The following RELN variants were observed in gnomAD, a reference collection of about 807,000 sequenced individuals.
RELN encodes reelin.
Under a neutral mutation model 427.6 loss-of-function variants are expected in RELN, and 108 were observed. The ratio of observed to expected loss-of-function variants is 0.25; its 90% CI spans 0.22 to 0.30. RELN has a LOEUF of 0.30. Among genes scored for constraint, RELN ranks in the 10% least tolerant of loss-of-function variants. The probability of loss-of-function intolerance (pLI) is 1.00; values close to 1 mark genes in which losing one functional copy is unlikely to be tolerated. For synonymous variants in RELN, 1,524 were observed against 1,513.4 expected, an observed-to-expected ratio of 1.01 and a Z score of -0.16; for missense variants, 3,715 against 4,302.8, an observed-to-expected ratio of 0.86 and a Z score of 3.82.
intron 2 of RELN, among the ~76,000 whole-genome samples, chr7:103,839,204 A>T (rs17133113): frequency 0.13 from 20,192 of 151,968 alleles, 1,801 homozygotes; most frequent in East Asian, 0.35. Context: ...ACACAAAATA[A>T]CCTATCCTCT....
At chr7:103,975,395 T>C (rs182376291) in intron 1 of RELN, among the ~76,000 whole-genome samples, 17 of 152,204 alleles carry the variant, frequency 1.1e-4, no homozygotes, top group African/African-American at 4.1e-4. Context: ...TTTAAGGTAT[T>C]TATACTGATA....
rs546035659 is a variant in RELN at position 103,626,519 on chromosome 7, T to C, written c.2702+3421A>G. Among the ~76,000 whole-genome samples, 10 of 152,190 alleles carry C rather than the reference T, an allele frequency of 6.6e-5. No homozygotes were observed. In the East Asian group the frequency reaches 1.9e-3, roughly 29 times the overall value. The stretch of plus-strand genomic sequence containing the variant: ...GCATGTGTCACCACGCTCGGCTAGT[T>C]TGTGTATTTTCAGTAGAGATGGCGT... On this transcript the variant is annotated intron_variant, in intron 20 of 64. Transcript: ENST00000428762. This position sits in a 1 kb window ranked among gnomAD's most constrained non-coding sequence, Gnocchi z 4.4.
intron 60 of RELN, among the ~76,000 whole-genome samples, chr7:103,488,666 C>T (rs1389178792): frequency 6.6e-6 from 1 of 152,174 alleles, no homozygotes; most frequent in African/African-American, 2.4e-5. Flanking sequence ...TAACTCTGCT[C>T]CTCCTTGGAT....
At chr7:103,690,098 T>C (rs1010515734) in intron 10 of RELN, among the ~76,000 whole-genome samples, 2 of 152,156 alleles carry the variant, frequency 1.3e-5, no homozygotes, top group Non-Finnish European at 2.9e-5. Context: ...TGAAATGCTA[T>C]CAATACTTCT....
intron 2 of RELN, among the ~76,000 whole-genome samples, chr7:103,890,334 A>G (rs770315145): frequency 1.3e-5 from 2 of 152,036 alleles, no homozygotes; most frequent in African/African-American, 2.4e-5. Context: ...GGTGTCCCCA[A>G]CTGCAGGGCC....
At chr7:103,512,049 T>A (rs1829437023) in intron 50 of RELN, among the ~76,000 whole-genome samples, 1 of 152,264 alleles carries the variant, frequency 6.6e-6, no homozygotes, top group African/African-American at 2.4e-5. Context: ...TCTTAACATA[T>A]GTTCAGTGCA....
intron 2 of RELN, among the ~76,000 whole-genome samples, chr7:103,910,371 G>T (rs1700002144): frequency 6.7e-6 from 1 of 149,670 alleles, no homozygotes; most frequent in African/African-American, 2.5e-5. Flanking sequence ...GGGACAATTT[G>T]ATTTCCTCTT....
Position 103,947,136 on chromosome 7 carries a change from C to T in RELN, c.227-29951G>A, listed in dbSNP as rs116886538. Among the ~76,000 whole-genome samples the T allele has an allele frequency of 1.9e-3, 288 of 152,298 alleles. 4 individuals carry two copies. Among genetic ancestry groups the T allele is most frequent in the Non-Finnish European group, 3.0e-3 (203 of 68,004 alleles). ...CAACAGTCATAATGCTTTATTCTTACATATATCTCATCATTCAAAAGTCTC... is the reference window on the plus strand; with the variant it reads ...CAACAGTCATAATGCTTTATTCTTATATATATCTCATCATTCAAAAGTCTC... On this transcript the variant is annotated intron_variant, in intron 1 of 64. Transcript: ENST00000428762.
chr7:103,986,560 G>C (rs1797101109), intron 1 of RELN, among the ~76,000 whole-genome samples: 1 of 145,346 alleles, frequency 6.9e-6, no homozygotes, highest in African/African-American at 2.6e-5. Flanking sequence ...GCAGCTGACT[G>C]ATCTACAGAA....
intron 2 of RELN, among the ~76,000 whole-genome samples, chr7:103,859,269 A>C (rs1324040818): frequency 6.6e-6 from 1 of 152,082 alleles, no homozygotes; most frequent in East Asian, 1.9e-4. Context: ...CACATTTGGA[A>C]TCTTCAAAGG....
chr7:103,861,239 A>T (rs1794065060), intron 2 of RELN, among the ~76,000 whole-genome samples: 1 of 152,134 alleles, frequency 6.6e-6, no homozygotes, highest in Non-Finnish European at 1.5e-5. Flanking sequence ...GCAACTACAA[A>T]TATTATTCAA....
chr7:103,587,930 T>C (rs145363270), intron 28 of RELN, among the ~76,000 whole-genome samples: 2,727 of 152,266 alleles, frequency 0.018, 74 homozygotes, highest in African/African-American at 0.062. Context: ...TCTTATATAC[T>C]GTTGGTGGGA....
Position 103,603,605 on chromosome 7 carries a change from T to C in RELN, c.3147-115A>G. On this transcript the variant is annotated intron_variant, in intron 23 of 64. Transcript: ENST00000428762. The surrounding 1 kb of genome is among the most constrained non-coding windows in gnomAD (Gnocchi z 4.3). ...TTTGCTCAGGTCTTATCATTCACAC[T>C]AGATTCTTCCCTACAGTGTTAATCT... 1.2e-6 allele frequency: 1 copy of C among 808,438 alleles called. No homozygotes were observed. 50.1% of individuals were successfully genotyped at this position (808,438 alleles called of 1,614,324 possible).
chr7:103,826,997 CTTTT>C (rs201344580), intron 3 of RELN, among the ~76,000 whole-genome samples: 2 of 130,788 alleles, frequency 1.5e-5, no homozygotes, highest in Non-Finnish European at 3.3e-5. Context: ...TTTGCTATAG[CTTTT>C]TTTTTTTTTT....
chr7:103,688,246 G>A (rs776961487), intron 10 of RELN, among the ~76,000 whole-genome samples: 1 of 152,052 alleles, frequency 6.6e-6, no homozygotes, highest in Non-Finnish European at 1.5e-5. Context: ...AAGTCTAACT[G>A]AGCTCAGGTT....
chr7:103,766,122 A>G (rs1288466462), intron 4 of RELN, among the ~76,000 whole-genome samples: 3 of 152,136 alleles, frequency 2.0e-5, no homozygotes, highest in Non-Finnish European at 4.4e-5. Context: ...GGTAGTTTGT[A>G]AGACCGTGAA....
chr7:103,989,498 G>A lies in RELN; in HGVS notation c.-142C>T. 1.5e-6 allele frequency: 1 copy of A among 670,110 alleles called. No homozygotes were observed. Among genetic ancestry groups the A allele is most frequent in the South Asian group, 4.0e-5 (1 of 24,976 alleles). The allele number at this position is 670,110 out of a possible 1,614,324, so 41.5% of individuals were successfully genotyped here. A position where few individuals can be genotyped will look rare whatever the true frequency, so the allele number is the denominator to read the frequency against. The stretch of plus-strand genomic sequence containing the variant: ...CGGAACGGGCTCGGGAGCGGGCCTG[G>A]GAGCGGGCCCCCGCCGAGAAGTTCC... On this transcript the variant is annotated 5_prime_UTR_variant, in exon 1 of 65. Transcript: ENST00000428762. The surrounding 1 kb of genome is among the most constrained non-coding windows in gnomAD (Gnocchi z 4.9).
chr7:103,699,883 T>C (rs1834055361), intron 9 of RELN, among the ~76,000 whole-genome samples: 1 of 152,138 alleles, frequency 6.6e-6, no homozygotes, highest in South Asian at 2.1e-4. Context: ...TTAAAATCCA[T>C]GAGTTAGAAA....
chr7:103,765,452 C>T (rs1020453057), intron 4 of RELN, among the ~76,000 whole-genome samples: 11 of 152,066 alleles, frequency 7.2e-5, no homozygotes, highest in African/African-American at 2.7e-4. Context: ...ACTGGGGATA[C>T]AGCACAATAT....
Sources: gnomAD v4.1 joint callset for allele counts (sites outside exome capture counted in the v4.1 genomes callset) on GRCh38, gnomAD v4.1.1 for gene constraint, Gnocchi (gnomAD v3.1) non-coding constraint, MANE v1.5 for transcripts, NCBI Gene and HGNC (gene_info 2026-07-23, HGNC 2026-07-21) for gene names.